The following SLC14A2 variants were observed in gnomAD, a reference collection of about 807,000 sequenced individuals.
SLC14A2 encodes the protein urea transporter 2.
SLC14A2 carries 91 observed loss-of-function variants against 104.6 expected under a neutral mutation model. The observed-to-expected ratio is 0.87, with a 90% CI of 0.73 to 1.04. The LOEUF (loss-of-function observed/expected upper bound fraction) is 1.04. Among genes scored for constraint, SLC14A2 ranks in the 50% least tolerant of loss-of-function variants. The pLI, the probability that SLC14A2 is intolerant of heterozygous loss-of-function variation, is 0.00. For synonymous variants in SLC14A2, 476 were observed against 466.4 expected (o/e 1.02, Z -0.27); for missense variants, 1,189 against 1,156.0 (o/e 1.03, Z -0.41).
rs932147287 is a variant in SLC14A2, at chr18:45,672,896, A to G, written c.2230-4A>G. On this transcript the variant is annotated splice_polypyrimidine_tract_variant and splice_region_variant and intron_variant, in intron 16 of 19. Coordinates refer to ENST00000255226, the MANE Select transcript of SLC14A2 (RefSeq NM_007163.4). The stretch of plus-strand genomic sequence containing the variant: ...ATGAGCATGTAATCCTGTTATGCCT[A>G]CAGCTTTTGAGAGCCATCCCCGTTG... The G allele has an allele frequency of 3.7e-6, 6 of 1,612,326 alleles. No homozygotes were observed. The highest frequency in any genetic ancestry group is 2.7e-5 in the African/African-American group (2 of 74,888).
intron 1 of SLC14A2, among the ~76,000 whole-genome samples, chr18:45,620,236 C>G (rs956665337): frequency 5.9e-5 from 9 of 152,240 alleles, no homozygotes; most frequent in African/African-American, 1.9e-4. Context: ...GCTCAAGGGC[C>G]AGCCACTCGG....
chr18:45,615,834 T>TGAGA (rs1295789642), intron 1 of SLC14A2, among the ~76,000 whole-genome samples: 1 of 145,222 alleles, frequency 6.9e-6, no homozygotes, highest in African/African-American at 2.7e-5. Flanking sequence ...TGTGTGTGTG[T>TGAGA]GTGAGAGAGA....
chr18:45,663,749 T>C (rs372611288), intron 10 of SLC14A2, 36 bp from the exon 11 acceptor site: 2 of 1,605,418 alleles, frequency 1.2e-6, no homozygotes, highest in Non-Finnish European at 1.7e-6. Context: ...GCGGACTAGG[T>C]GGGACACTGA....
upstream of SLC14A2, among the ~76,000 whole-genome samples, chr18:45,210,897 A>AT (rs908581101): frequency 5.2e-4 from 79 of 152,130 alleles, no homozygotes; most frequent in Non-Finnish European, 9.6e-4. Flanking sequence ...CACTACTACT[A>AT]TTTTTTTCTC....
rs1007872081 is a variant in SLC14A2, at chr18:45,626,983, A to G, written c.357A>G (p.Ile119Met). Residue 119 changes from isoleucine to methionine, a missense_variant, in exon 4 of 20, where the codon ATA (isoleucine) becomes ATG (methionine). Ile to Met is a conservative substitution (Grantham distance 10, BLOSUM62 1). Coordinates refer to ENST00000255226, the MANE Select transcript of SLC14A2 (RefSeq NM_007163.4). The part of the protein sequence containing the change: ...LKDKHLALQF[I>M]DWVLRGTAQV... ...ACAAGCACCTTGCCCTCCAGTTCAT[A>G]GACTGGGTCCTGAGAGGGACCGCTC... The G allele has an allele frequency of 1.2e-6, 2 of 1,612,254 alleles. No homozygotes were observed. The highest frequency in any genetic ancestry group is 3.3e-5 in the Admixed American group (2 of 60,006).
At chr18:45,184,445 A>T in the SLC14A2 span, among the ~76,000 whole-genome samples, 55,175 of 152,074 alleles carry the variant, frequency 0.36, 11,136 homozygotes, top group Non-Finnish European at 0.47. Flanking sequence ...CAATCAGGAG[A>T]AATAAAAAAT....
At chr18:45,244,263 CTATTT>C (rs2084346873) in intron 1 of SLC14A2, among the ~76,000 whole-genome samples, 1 of 152,004 alleles carries the variant, frequency 6.6e-6, no homozygotes, top group Non-Finnish European at 1.5e-5. Flanking sequence ...CTGCTGGTCA[CTATTT>C]TATTTGTTCA....
chr18:45,309,407 C>T (rs1171993840), intron 1 of SLC14A2, among the ~76,000 whole-genome samples: 1 of 151,946 alleles, frequency 6.6e-6, no homozygotes, highest in Non-Finnish European at 1.5e-5. Flanking sequence ...CAACTACAGC[C>T]TCCAATTCCT....
the SLC14A2 span, among the ~76,000 whole-genome samples, chr18:45,170,120 G>A: frequency 6.6e-6 from 1 of 152,118 alleles, no homozygotes; most frequent in African/African-American, 2.4e-5. Context: ...AAAGACTTTG[G>A]GGTCACTTTT....
Position 45,604,350 on chromosome 18 carries a change from G to A in SLC14A2, c.-34-20281G>A, listed in dbSNP as rs372767448. 4.6e-5 allele frequency among the ~76,000 whole-genome samples: 7 copies of A among 152,112 alleles called. No homozygotes were observed. In the East Asian group the frequency reaches 1.2e-3, roughly 25 times the overall value. Reference sequence around the variant, plus strand: ...AGCCTCCTATCAGCAGCATAACTTTGTATGGTACATAATATTTACCATTTT... The same window carrying A: ...AGCCTCCTATCAGCAGCATAACTTTATATGGTACATAATATTTACCATTTT... On this transcript the variant is annotated intron_variant, in intron 2 of 20. Transcript: ENST00000586448.
chr18:45,467,129 C>CT (rs1305068990), intron 1 of SLC14A2, among the ~76,000 whole-genome samples: 2 of 152,042 alleles, frequency 1.3e-5, no homozygotes, highest in East Asian at 3.9e-4. Context: ...GCATATGGGA[C>CT]TTGTGATGGG....
In SLC14A2 at chr18:45,668,036, G is replaced by A; in HGVS notation, c.1907+14G>A. 1.2e-6 allele frequency: 2 copies of A among 1,612,714 alleles called. No individual in the cohort carries two copies. Among genetic ancestry groups the A allele is most frequent in the Non-Finnish European group, 1.7e-6 (2 of 1,178,738 alleles). ...GAGTCAGGACAAGTAAGTCCCAGAGGCTCAGGGTCCAAACATGTAGCCAAG... is the reference window on the plus strand; with the variant it reads ...GAGTCAGGACAAGTAAGTCCCAGAGACTCAGGGTCCAAACATGTAGCCAAG... On this transcript the variant is annotated intron_variant, in intron 14 of 19. Coordinates refer to ENST00000255226, the MANE Select transcript of SLC14A2 (RefSeq NM_007163.4).
chr18:45,233,716 G>T (rs2084197287), intron 1 of SLC14A2, among the ~76,000 whole-genome samples: 1 of 151,844 alleles, frequency 6.6e-6, no homozygotes. Context: ...TATGTTTCTG[G>T]ATTTATTCCA....
intron 1 of SLC14A2, among the ~76,000 whole-genome samples, chr18:45,233,163 T>C (rs554220186): frequency 5.9e-4 from 90 of 152,304 alleles, no homozygotes; most frequent in Admixed American, 9.2e-4. Flanking sequence ...GGAGTGGTAG[T>C]GAGTTCCTGT....
chr18:45,225,449 G>C (rs1198750526), intron 1 of SLC14A2, among the ~76,000 whole-genome samples: 2 of 152,056 alleles, frequency 1.3e-5, no homozygotes, highest in African/African-American at 4.8e-5. Flanking sequence ...TTGTTCTTTT[G>C]GCTTAGGATT....
chr18:45,196,746 C>T, the SLC14A2 span, among the ~76,000 whole-genome samples: 1 of 152,220 alleles, frequency 6.6e-6, no homozygotes, highest in East Asian at 1.9e-4. Flanking sequence ...AGTTAATTCT[C>T]TAGTGCCTTG....
intron 12 of SLC14A2, among the ~76,000 whole-genome samples, chr18:45,666,602 T>TTAAAAA (rs34642030): frequency 6.8e-6 from 1 of 146,010 alleles, no homozygotes; most frequent in African/African-American, 2.5e-5. Flanking sequence ...GTATTAATGT[T>TTAAAAA]AAAAAAAAAA....
intron 1 of SLC14A2, among the ~76,000 whole-genome samples, chr18:45,230,447 A>G (rs1254101701): frequency 6.6e-6 from 1 of 152,168 alleles, no homozygotes; most frequent in Non-Finnish European, 1.5e-5. Flanking sequence ...GGACAGTGAC[A>G]TTGCATCTGT....
chr18:45,593,486 C>CTTTTTTTTTTTTTTTT (rs1172271684), intron 2 of SLC14A2, among the ~76,000 whole-genome samples: 7 of 88,788 alleles, frequency 7.9e-5, no homozygotes, highest in African/African-American at 3.3e-4. Context: ...TTTCCTTAAT[C>CTTTTTTTTTTTTTTTT]TTTTTTTTTT....
Sources: allele counts gnomAD v4.1 joint callset (sites outside exome capture counted in the v4.1 genomes callset), GRCh38; gene constraint gnomAD v4.1.1; transcripts MANE v1.5; gene names NCBI Gene and HGNC (gene_info 2026-07-23, HGNC 2026-07-21).